The following PHACTR1 variants were observed in gnomAD, a reference collection of about 807,000 sequenced individuals.
The protein encoded by PHACTR1 is phosphatase and actin regulator 1, also known as RPEL repeat containing 1.
PHACTR1 carries 16 observed loss-of-function variants against 69.2 expected under a neutral mutation model. The observed-to-expected ratio is 0.23, with a 90% CI of 0.16 to 0.35. The LOEUF is 0.35. Ranked by LOEUF, PHACTR1 falls within the 10% of genes least tolerant of loss-of-function variation. The pLI is 1.00. For synonymous variants in PHACTR1, 312 were observed against 284.5 expected (o/e 1.10, Z -0.97); for missense variants, 510 against 734.7 (o/e 0.69, Z 3.54).
chr6:12,853,052 C>G (rs757648396), intron 4 of PHACTR1, among the ~76,000 whole-genome samples: 1 of 152,204 alleles, frequency 6.6e-6, no homozygotes, highest in Non-Finnish European at 1.5e-5. Context: ...CTTATTGCAA[C>G]TTGAAGCATC....
chr6:13,273,810 A>G (rs1778263629), intron 11 of PHACTR1: 1 of 152,164 alleles, frequency 6.6e-6, no homozygotes, highest in African/African-American at 2.4e-5. Context: ...CCCACAACAC[A>G]CTTCTAATTT....
chr6:12,830,796 A>G (rs937444778), intron 4 of PHACTR1, among the ~76,000 whole-genome samples: 10 of 151,592 alleles, frequency 6.6e-5, no homozygotes, highest in African/African-American at 2.2e-4. Context: ...GGGTTTCATC[A>G]TGTTGGCCAG....
chr6:13,249,967 A>G (rs1295842560), intron 10 of PHACTR1, among the ~76,000 whole-genome samples: 1 of 152,182 alleles, frequency 6.6e-6, no homozygotes, highest in Non-Finnish European at 1.5e-5. Flanking sequence ...ACTCCATGGT[A>G]GGGGCCCACC....
At chr6:13,159,572 G>A (rs1169352279) in intron 5 of PHACTR1, among the ~76,000 whole-genome samples, 1 of 152,196 alleles carries the variant, frequency 6.6e-6, no homozygotes, top group Non-Finnish European at 1.5e-5. Flanking sequence ...TTACTCAATA[G>A]CGATGTGACT....
chr6:13,003,852 T>G (rs1798392899), intron 4 of PHACTR1, among the ~76,000 whole-genome samples: 5 of 150,914 alleles, frequency 3.3e-5, no homozygotes, highest in African/African-American at 4.9e-5. Flanking sequence ...TTTGACTTTC[T>G]GTCTCTGAGT....
intron 4 of PHACTR1, among the ~76,000 whole-genome samples, chr6:12,955,607 A>G (rs1030290008): frequency 6.6e-6 from 1 of 152,084 alleles, no homozygotes; most frequent in African/African-American, 2.4e-5. Flanking sequence ...TCCTCCTCCC[A>G]TTACTGATGA....
rs185068178 is a variant in PHACTR1, at chr6:12,763,177, C to T, written c.250+13387C>T. On this transcript the variant is annotated intron_variant, in intron 4 of 14. Coordinates refer to ENST00000332995, the MANE Select transcript of PHACTR1 (RefSeq NM_030948.6). Reference sequence around the variant, plus strand: ...GCAGTAAGCTAAGATCGTGCCATTGCACTCCAGCCTGGGCAACAAGGTGAA... The same window carrying T: ...GCAGTAAGCTAAGATCGTGCCATTGTACTCCAGCCTGGGCAACAAGGTGAA... 2.0e-5 allele frequency among the ~76,000 whole-genome samples: 3 copies of T among 152,246 alleles called. No homozygotes were observed. In the East Asian group the frequency reaches 5.8e-4, roughly 29 times the overall value.
intron 4 of PHACTR1, among the ~76,000 whole-genome samples, chr6:13,021,285 G>T (rs1800940144): frequency 6.6e-6 from 1 of 152,192 alleles, no homozygotes; most frequent in Non-Finnish European, 1.5e-5. Flanking sequence ...TGGTAGCCAT[G>T]CAATATATGG....
At chr6:13,176,161 G>T (rs1357079205) in intron 6 of PHACTR1, among the ~76,000 whole-genome samples, 1 of 152,162 alleles carries the variant, frequency 6.6e-6, no homozygotes, top group Non-Finnish European at 1.5e-5. Flanking sequence ...TAACATGGCA[G>T]CATGCAATTT....
chr6:13,002,397 T>A (rs9463363), intron 4 of PHACTR1, among the ~76,000 whole-genome samples: 76,264 of 151,964 alleles, frequency 0.5, 21,782 homozygotes, highest in African/African-American at 0.79. Flanking sequence ...CTGCATGGAA[T>A]TACCTATCTC....
At chr6:12,971,624 G>A (rs986124881) in intron 4 of PHACTR1, among the ~76,000 whole-genome samples, 2 of 152,112 alleles carry the variant, frequency 1.3e-5, no homozygotes, top group Non-Finnish European at 2.9e-5. Context: ...AATAAAGAAT[G>A]GTGGTAAATC....
At chr6:13,240,271 G>A (rs774702612) in intron 10 of PHACTR1, among the ~76,000 whole-genome samples, 8 of 152,144 alleles carry the variant, frequency 5.3e-5, no homozygotes, top group Admixed American at 3.9e-4. Context: ...GGTAGATGAA[G>A]AGGAAGCTTC....
chr6:12,944,884 G>T (rs188109673), intron 4 of PHACTR1, among the ~76,000 whole-genome samples: 1 of 151,646 alleles, frequency 6.6e-6, no homozygotes, highest in Non-Finnish European at 1.5e-5. Context: ...CCGGGTTCAC[G>T]CCATTCTCCT....
chr6:13,110,904 C>G lies in PHACTR1; in HGVS notation c.416-49300C>G, dbSNP rs750847016. 6.6e-5 allele frequency among the ~76,000 whole-genome samples: 10 copies of G among 152,006 alleles called. No homozygotes were observed. The East Asian group carries it at 1.9e-3, about 29-fold the overall frequency. The stretch of plus-strand genomic sequence containing the variant: ...TGTTCTTCCTGCAGAGTTTTGTGCC[C>G]TGGGTTTTTGTTTTTTGTTTTTTGT... On this transcript the variant is annotated intron_variant, in intron 5 of 14. Coordinates refer to ENST00000332995, the MANE Select transcript of PHACTR1 (RefSeq NM_030948.6).
chr6:12,792,288 A>C (rs1269444113), intron 4 of PHACTR1, among the ~76,000 whole-genome samples: 7 of 151,396 alleles, frequency 4.6e-5, no homozygotes, highest in Non-Finnish European at 1.5e-5. Context: ...AACATGGAGA[A>C]ACCCCGTCTC....
intron 5 of PHACTR1, among the ~76,000 whole-genome samples, chr6:13,078,980 T>A (rs929371146): frequency 6.6e-5 from 10 of 152,240 alleles, no homozygotes; most frequent in African/African-American, 2.4e-4. Flanking sequence ...TAGTTTACAG[T>A]CTTTAACCCA....
intron 7 of PHACTR1, among the ~76,000 whole-genome samples, chr6:13,194,150 A>C (rs1286788582): frequency 1.3e-5 from 2 of 152,200 alleles, no homozygotes; most frequent in African/African-American, 2.4e-5. Context: ...CACGCCTGTA[A>C]TCCCAGTACT....
intron 4 of PHACTR1, among the ~76,000 whole-genome samples, chr6:13,033,054 CTT>C (rs1464780596): frequency 6.6e-6 from 1 of 152,162 alleles, no homozygotes. Context: ...TTTCCCCACT[CTT>C]ATGATTTCAT....
At position 12,892,556 on chromosome 6, in the gene PHACTR1, T is replaced by C. The variant is rs900265781; in HGVS notation, c.250+142766T>C. 4.6e-5 allele frequency among the ~76,000 whole-genome samples: 7 copies of C among 152,364 alleles called. No individual in the cohort carries two copies. In the South Asian group the frequency reaches 1.4e-3, roughly 32 times the overall value. Reference sequence around the variant, plus strand: ...GAGTTTGGTTGTTGACATAATAATATGGTCTTATCTAAATGTTTTGTTTTC... The same window carrying C: ...GAGTTTGGTTGTTGACATAATAATACGGTCTTATCTAAATGTTTTGTTTTC... On this transcript the variant is annotated intron_variant, in intron 4 of 14. Coordinates refer to ENST00000332995, the MANE Select transcript of PHACTR1 (RefSeq NM_030948.6).
Sources: gnomAD v4.1 joint callset for allele counts (sites outside exome capture counted in the v4.1 genomes callset) on GRCh38, gnomAD v4.1.1 for gene constraint, MANE v1.5 for transcripts, NCBI Gene and HGNC (gene_info 2026-07-23, HGNC 2026-07-21) for gene names.